BTBD9: variants seen among roughly 807,000 people sequenced by gnomAD.
BTBD9 encodes the protein BTB/POZ domain-containing protein 9.
BTBD9 carries 49 observed loss-of-function variants against 64.3 expected under a neutral mutation model. That is an observed-to-expected ratio of 0.76 (90% CI 0.61 to 0.97). BTBD9 has a LOEUF of 0.97. BTBD9 is among the 50% of genes least tolerant of loss of function. BTBD9 has a pLI of 0.00. For synonymous variants in BTBD9, 260 were observed against 274.7 expected, an observed-to-expected ratio of 0.95 and a Z score of 0.53; for missense variants, 598 against 762.1, an observed-to-expected ratio of 0.78 and a Z score of 2.53.
intron 9 of BTBD9, among the ~76,000 whole-genome samples, chr6:38,216,798 G>A (rs557715057): frequency 2.0e-5 from 3 of 152,246 alleles, no homozygotes; most frequent in Non-Finnish European, 4.4e-5. Flanking sequence ...GGTGGGGGAG[G>A]GGTGTGCATC....
At chr6:38,343,126 G>A (rs1183320369) in intron 7 of BTBD9, among the ~76,000 whole-genome samples, 2 of 152,204 alleles carry the variant, frequency 1.3e-5, no homozygotes, top group Non-Finnish European at 2.9e-5. Context: ...GAGCACCATG[G>A]AAGAGTGCTT....
chr6:38,394,727 G>A (rs554339638), intron 6 of BTBD9, among the ~76,000 whole-genome samples: 20 of 152,048 alleles, frequency 1.3e-4, no homozygotes, highest in African/African-American at 4.8e-4. Flanking sequence ...TCTGGAGGAT[G>A]GCAGCCACCA....
chr6:38,192,685 G>T, intron 9 of BTBD9, 88 bp from the exon 10 acceptor site: 1 of 1,214,758 alleles, frequency 8.2e-7, no homozygotes, highest in Non-Finnish European at 1.2e-6. Flanking sequence ...CACTGAGGAG[G>T]GAGGGCTTCC....
intron 7 of BTBD9, among the ~76,000 whole-genome samples, chr6:38,333,789 T>G (rs1763773719): frequency 6.6e-6 from 1 of 152,192 alleles, no homozygotes; most frequent in South Asian, 2.1e-4. Flanking sequence ...TTTATAGCAG[T>G]GTGAAAGTGG....
At chr6:38,315,038 C>T (rs932922726) in intron 7 of BTBD9, among the ~76,000 whole-genome samples, 11 of 151,938 alleles carry the variant, frequency 7.2e-5, no homozygotes, top group African/African-American at 9.7e-5. Context: ...TTAGTAGAGA[C>T]GGGGTTTCAC....
intron 7 of BTBD9, among the ~76,000 whole-genome samples, chr6:38,298,590 G>T (rs1018882365): frequency 5.3e-5 from 8 of 152,106 alleles, no homozygotes; most frequent in Admixed American, 4.6e-4. Context: ...ACAAACATTA[G>T]AACTGATTCC....
chr6:38,224,431 G>C (rs189464591), intron 9 of BTBD9, among the ~76,000 whole-genome samples: 1 of 152,318 alleles, frequency 6.6e-6, no homozygotes, highest in Admixed American at 6.5e-5. Context: ...AGAAAGGAAA[G>C]GACTGTCCAA....
At chr6:38,374,220 GA>G (rs1765543634) in intron 6 of BTBD9, among the ~76,000 whole-genome samples, 6 of 142,208 alleles carry the variant, frequency 4.2e-5, no homozygotes, top group Admixed American at 2.9e-4. Flanking sequence ...AGTGAGCCGA[GA>G]CTGTGCCACC....
chr6:38,623,143 C>G (rs1427128206), intron 1 of BTBD9, among the ~76,000 whole-genome samples: 1 of 152,138 alleles, frequency 6.6e-6, no homozygotes, highest in African/African-American at 2.4e-5. Flanking sequence ...ACAACCAGTT[C>G]TGTCTACCCA....
At chr6:38,593,663 AATAC>A (rs1347788554) in intron 3 of BTBD9, among the ~76,000 whole-genome samples, 1 of 152,232 alleles carries the variant, frequency 6.6e-6, no homozygotes, top group Non-Finnish European at 1.5e-5. Context: ...GGTAGTATGC[AATAC>A]CAAAAAGGAC....
At chr6:38,470,688 G>A (rs1770610277) in intron 6 of BTBD9, among the ~76,000 whole-genome samples, 1 of 152,254 alleles carries the variant, frequency 6.6e-6, no homozygotes, top group Non-Finnish European at 1.5e-5. Flanking sequence ...AACAAGAGAA[G>A]AGTGTGTACC....
At chr6:38,400,789 TTAAAA>T (rs1270699002) in intron 6 of BTBD9, among the ~76,000 whole-genome samples, 2 of 152,234 alleles carry the variant, frequency 1.3e-5, no homozygotes, top group African/African-American at 4.8e-5. Context: ...TGTAACAACT[TTAAAA>T]TAATTTTTTA....
chr6:38,585,793 A>C (rs1776488530), intron 4 of BTBD9, among the ~76,000 whole-genome samples: 1 of 152,184 alleles, frequency 6.6e-6, no homozygotes, highest in South Asian at 2.1e-4. Flanking sequence ...TGAAAAACAA[A>C]GGCAAAACAA....
At chr6:38,282,914 T>C (rs1761574009) in intron 8 of BTBD9, among the ~76,000 whole-genome samples, 1 of 152,208 alleles carries the variant, frequency 6.6e-6, no homozygotes, top group Admixed American at 6.5e-5. Context: ...ACAGCGTTTA[T>C]TATCTCCCCT....
At chr6:38,557,593 A>G (rs1775086610) in intron 6 of BTBD9, among the ~76,000 whole-genome samples, 1 of 152,232 alleles carries the variant, frequency 6.6e-6, no homozygotes, top group African/African-American at 2.4e-5. Context: ...TAGCTAATAA[A>G]TAATTTTCCT....
At chr6:38,264,219 G>A (rs2127539688) in intron 8 of BTBD9, among the ~76,000 whole-genome samples, 1 of 152,274 alleles carries the variant, frequency 6.6e-6, no homozygotes, top group South Asian at 2.1e-4. Flanking sequence ...GGTGGCACTG[G>A]GGAAGCAGGG....
intron 9 of BTBD9, among the ~76,000 whole-genome samples, chr6:38,212,755 C>A (rs1379384820): frequency 6.6e-6 from 1 of 152,090 alleles, no homozygotes; most frequent in Non-Finnish European, 1.5e-5. Flanking sequence ...CTCCTTTCAG[C>A]CTGTGAGGAG....
At chr6:38,233,417 A>G (rs1048570052) in intron 9 of BTBD9, among the ~76,000 whole-genome samples, 1 of 152,238 alleles carries the variant, frequency 6.6e-6, no homozygotes, top group African/African-American at 2.4e-5. Context: ...TTTGCGGCAC[A>G]TATTTAACTT....
intron 6 of BTBD9, among the ~76,000 whole-genome samples, chr6:38,378,266 T>TG (rs1404179078): frequency 6.7e-6 from 1 of 149,732 alleles, no homozygotes; most frequent in African/African-American, 2.5e-5. Context: ...TTTTTTGAGA[T>TG]GGAGTCTTGC....
Sources: allele counts gnomAD v4.1 joint callset (sites outside exome capture counted in the v4.1 genomes callset), GRCh38; gene constraint gnomAD v4.1.1; transcripts MANE v1.5; gene names NCBI Gene and HGNC (gene_info 2026-07-23, HGNC 2026-07-21).